SH3GL2: variants seen among roughly 807,000 people sequenced by gnomAD.
SH3GL2 encodes endophilin-A1.
In SH3GL2, 24 loss-of-function variants were observed where a neutral mutation model predicts 46.0. The observed-to-expected ratio is 0.52, with a 90% CI of 0.38 to 0.73. SH3GL2 has a LOEUF of 0.73. SH3GL2 is among the 30% of genes least tolerant of loss of function. The pLI is 0.00. For synonymous variants in SH3GL2, 196 were observed against 147.1 expected (o/e 1.33, Z -2.40); for missense variants, 413 against 424.2 (o/e 0.97, Z 0.23).
At chr9:17,764,163 GA>G (rs1168627475) in intron 3 of SH3GL2, among the ~76,000 whole-genome samples, 1 of 152,166 alleles carries the variant, frequency 6.6e-6, no homozygotes, top group African/African-American at 2.4e-5. Context: ...GTTGGTTTCA[GA>G]AAAACAGTTA....
At chr9:17,690,815 G>A (rs545741744) in intron 1 of SH3GL2, among the ~76,000 whole-genome samples, 1 of 152,246 alleles carries the variant, frequency 6.6e-6, no homozygotes, top group South Asian at 2.1e-4. Context: ...CATATCATGA[G>A]AATCATTATT....
At chr9:17,665,163 G>T (rs1820313327) in intron 1 of SH3GL2, among the ~76,000 whole-genome samples, 1 of 152,066 alleles carries the variant, frequency 6.6e-6, no homozygotes, top group Admixed American at 6.6e-5. Flanking sequence ...ACCCTTAACT[G>T]TTTCAACGCA....
At chr9:17,788,101 CTT>C (rs1227424097) in intron 5 of SH3GL2, among the ~76,000 whole-genome samples, 1 of 151,926 alleles carries the variant, frequency 6.6e-6, no homozygotes, top group East Asian at 1.9e-4. Flanking sequence ...TGTTTGCTCA[CTT>C]TTTTTTATCT....
chr9:17,659,090 C>T (rs1820154378), intron 1 of SH3GL2, among the ~76,000 whole-genome samples: 1 of 152,098 alleles, frequency 6.6e-6, no homozygotes, highest in African/African-American at 2.4e-5. Flanking sequence ...AGGGAATTAA[C>T]TGGAGATAGA....
At chr9:17,691,552 C>T (rs568096367) in intron 1 of SH3GL2, among the ~76,000 whole-genome samples, 5 of 152,168 alleles carry the variant, frequency 3.3e-5, no homozygotes, top group South Asian at 2.1e-4. Flanking sequence ...AGTTGATTTG[C>T]GTATGACTCC....
At chr9:17,622,350 T>C (rs1401197139) in intron 1 of SH3GL2, among the ~76,000 whole-genome samples, 1 of 152,094 alleles carries the variant, frequency 6.6e-6, no homozygotes, top group Non-Finnish European at 1.5e-5. Context: ...CTTCCAATTT[T>C]TAGTCAGAAA....
chr9:17,648,190 G>C (rs1321423046), intron 1 of SH3GL2, among the ~76,000 whole-genome samples: 1 of 152,110 alleles, frequency 6.6e-6, no homozygotes, highest in African/African-American at 2.4e-5. Flanking sequence ...GTTATGTGTG[G>C]ATTTTCAACT....
Position 17,787,480 on chromosome 9 carries a change from G to A in SH3GL2, c.432G>A (p.Gln144=), listed in dbSNP as rs1377202401. 1 of 1,613,036 alleles carries A rather than the reference G, an allele frequency of 6.2e-7. No individual in the cohort carries two copies. Among genetic ancestry groups the A allele is most frequent in the African/African-American group, 1.3e-5 (1 of 74,996 alleles). ...EVKQNFIDPL[Q]NLHDKDLREI... ...AGCAGAACTTCATTGACCCTCTTCA[G>A]AATCTTCATGACAAAGATCTTAGGG... is the stretch of plus-strand genomic sequence containing the variant. The change falls in exon 5 of 9, where the codon CAG becomes CAA. Residue 144 remains glutamine, a synonymous_variant. Transcript: ENST00000380607.
intron 3 of SH3GL2, among the ~76,000 whole-genome samples, chr9:17,775,894 T>C (rs901465281): frequency 3.3e-5 from 5 of 152,174 alleles, no homozygotes; most frequent in Non-Finnish European, 7.4e-5. Flanking sequence ...TTGGATTCTC[T>C]TCTTCCCTGT....
At chr9:17,663,491 G>A (rs750169787) in intron 1 of SH3GL2, among the ~76,000 whole-genome samples, 11 of 152,036 alleles carry the variant, frequency 7.2e-5, no homozygotes, top group Non-Finnish European at 1.5e-4. Flanking sequence ...GATGTATCTG[G>A]GTTTTAGTAA....
intron 1 of SH3GL2, among the ~76,000 whole-genome samples, chr9:17,670,586 A>G (rs534676586): frequency 2.0e-5 from 3 of 152,246 alleles, no homozygotes; most frequent in African/African-American, 7.2e-5. Context: ...TGTCTAATTT[A>G]TCCTACTTAT....
At chr9:17,749,299 C>G (rs1822780288) in intron 2 of SH3GL2, among the ~76,000 whole-genome samples, 1 of 152,238 alleles carries the variant, frequency 6.6e-6, no homozygotes, top group Non-Finnish European at 1.5e-5. Flanking sequence ...CAGGAACTGA[C>G]ACACATTTCC....
At chr9:17,719,634 TAA>T (rs948028151) in intron 1 of SH3GL2, among the ~76,000 whole-genome samples, 1 of 151,666 alleles carries the variant, frequency 6.6e-6, no homozygotes, top group Non-Finnish European at 1.5e-5. Flanking sequence ...TACCAAAAAA[TAA>T]AAAAAATTTA....
intron 3 of SH3GL2, among the ~76,000 whole-genome samples, chr9:17,782,285 T>TC (rs1194124574): frequency 6.6e-6 from 1 of 152,110 alleles, no homozygotes; most frequent in African/African-American, 2.4e-5. Flanking sequence ...TTGGGAACTC[T>TC]CTTTTTCGGG....
At chr9:17,655,050 G>A (rs529021438) in intron 1 of SH3GL2, among the ~76,000 whole-genome samples, 90 of 152,256 alleles carry the variant, frequency 5.9e-4, no homozygotes, top group Non-Finnish European at 1.1e-3. Flanking sequence ...CCTCAGCAGC[G>A]AGAGATGAGG....
At chr9:17,586,327 T>G (rs1018466421) in intron 1 of SH3GL2, among the ~76,000 whole-genome samples, 2 of 152,220 alleles carry the variant, frequency 1.3e-5, no homozygotes, top group Non-Finnish European at 2.9e-5. Flanking sequence ...ACTTGGATAC[T>G]TAGGACACTG....
chr9:17,607,959 C>T (rs527665157), intron 1 of SH3GL2, among the ~76,000 whole-genome samples: 1 of 152,072 alleles, frequency 6.6e-6, no homozygotes, highest in African/African-American at 2.4e-5. Context: ...GCTAGGCATA[C>T]AATTATATGA....
intron 1 of SH3GL2, among the ~76,000 whole-genome samples, chr9:17,708,489 T>C (rs1248652187): frequency 1.3e-5 from 2 of 152,000 alleles, no homozygotes; most frequent in Non-Finnish European, 2.9e-5. Context: ...ACATGTGAAG[T>C]GTGAGGATGA....
chr9:17,687,521 A>G (rs1174477551), intron 1 of SH3GL2, among the ~76,000 whole-genome samples: 1 of 152,094 alleles, frequency 6.6e-6, no homozygotes, highest in Non-Finnish European at 1.5e-5. Context: ...TCAATTGTAA[A>G]TACAATTGTC....
Sources: gnomAD v4.1 joint callset for allele counts (sites outside exome capture counted in the v4.1 genomes callset) on GRCh38, gnomAD v4.1.1 for gene constraint, MANE v1.5 for transcripts, NCBI Gene and HGNC (gene_info 2026-07-23, HGNC 2026-07-21) for gene names.